Variants in USP53 observed in about 807,000 individuals in gnomAD.
USP53 encodes the protein ubiquitin carboxyl-terminal hydrolase 53.
Under a neutral mutation model 94.9 loss-of-function variants are expected in USP53, and 71 were observed. The ratio of observed to expected loss-of-function variants is 0.75; its 90% CI spans 0.62 to 0.91. The LOEUF (loss-of-function observed/expected upper bound fraction) is 0.91. Ranked by LOEUF, USP53 falls within the 40% of genes least tolerant of loss-of-function variation. The pLI, the probability that USP53 is intolerant of heterozygous loss-of-function variation, is 0.00. For synonymous variants in USP53, 375 were observed against 422.7 expected (o/e 0.89, Z 1.39); for missense variants, 1,173 against 1,281.0 (o/e 0.92, Z 1.29).
Position 119,279,402 on chromosome 4 carries a change from T to A in USP53, c.2251+5694T>A, listed in dbSNP as rs568537548. Among the ~76,000 whole-genome samples, 25 of 145,882 alleles carry A rather than the reference T, an allele frequency of 1.7e-4. No individual in the cohort carries two copies. The East Asian group carries it at 4.8e-3, about 28-fold the overall frequency. ...GCCCCTGCTGGGGGGTGCCTCCCAG[T>A]TAGGCTGCTCGGGGGTCAGGGGTCA... On this transcript the variant is annotated intron_variant, in intron 17 of 18. Coordinates refer to ENST00000692078, the MANE Select transcript of USP53 (RefSeq NM_001371395.1).
At chr4:119,286,024 T>G (rs986541813) in intron 17 of USP53, among the ~76,000 whole-genome samples, 1 of 151,868 alleles carries the variant, frequency 6.6e-6, no homozygotes, top group African/African-American at 2.4e-5. Flanking sequence ...ATCCCCAAAT[T>G]TAGGTTTCAG....
Position 119,292,865 on chromosome 4 carries a change from C to G in USP53, c.2876C>G (p.Pro959Arg). The part of the protein sequence containing the change: ...TEVFKATSHL[P>R]KHSLSTASEP... ...GTGTTTAAAGCTACCTCTCATCTTC[C>G]GAAGCACAGTTTAAGTACAGCTTCA... The change falls in exon 19 of 19, where the codon CCG (proline) becomes CGG (arginine). Residue 959 changes from proline to arginine, a missense_variant. Transcript: ENST00000692078. 1 of 1,614,018 alleles carries G rather than the reference C, an allele frequency of 6.2e-7. No individual in the cohort carries two copies. The highest frequency in any genetic ancestry group is 8.5e-7 in the Non-Finnish European group (1 of 1,179,974).
chr4:119,248,974 G>T, intron 7 of USP53, 92 bp downstream of exon 7: 2 of 1,506,324 alleles, frequency 1.3e-6, no homozygotes, highest in Non-Finnish European at 1.8e-6. Context: ...CAAAAATTTA[G>T]AACAATAGAA....
chr4:119,264,180 C>A (rs946990158), intron 12 of USP53, among the ~76,000 whole-genome samples: 4 of 152,064 alleles, frequency 2.6e-5, no homozygotes, highest in Non-Finnish European at 2.9e-5. Context: ...ATTCAATATG[C>A]CACTTCAAAA....
intron 3 of USP53, among the ~76,000 whole-genome samples, chr4:119,224,875 T>G (rs1745032421): frequency 6.6e-6 from 1 of 152,002 alleles, no homozygotes; most frequent in Admixed American, 6.6e-5. Context: ...AGAAGAAAGC[T>G]CTAAGCTTTT....
chr4:119,258,902 A>C (rs1307427311), intron 9 of USP53, among the ~76,000 whole-genome samples: 1 of 152,174 alleles, frequency 6.6e-6, no homozygotes, highest in Non-Finnish European at 1.5e-5. Context: ...TGATACATAA[A>C]AATATGTCTT....
chr4:119,283,219 G>A (rs1183147332), intron 17 of USP53, among the ~76,000 whole-genome samples: 3 of 151,848 alleles, frequency 2.0e-5, no homozygotes, highest in South Asian at 2.1e-4. Context: ...GATTTCACAC[G>A]CCTTAAATTA....
Position 119,292,421 on chromosome 4 carries a change from T to G in USP53, c.2432T>G (p.Ile811Ser). 4 of 1,613,990 alleles carry G rather than the reference T, an allele frequency of 2.5e-6. No individual in the cohort carries two copies. Among genetic ancestry groups the G allele is most frequent in the Non-Finnish European group, 3.4e-6 (4 of 1,179,912 alleles). Reference sequence around the variant, plus strand: ...AAGGACCATAATGCAAGAGAACATATCCACCAGTCAGATGAACAGAAACTT... The same window carrying G: ...AAGGACCATAATGCAAGAGAACATAGCCACCAGTCAGATGAACAGAAACTT... ...IPKDHNAREH[I>S]HQSDEQKLEK... Residue 811 changes from isoleucine (I) to serine (S), a missense_variant, in exon 19 of 19, where the codon ATC becomes AGC. Ile to Ser is a moderately radical substitution (Grantham distance 142, BLOSUM62 -2). Coordinates refer to ENST00000692078, the MANE Select transcript of USP53 (RefSeq NM_001371395.1).
chr4:119,261,442 G>A (rs1001898482), intron 11 of USP53, among the ~76,000 whole-genome samples: 3 of 152,212 alleles, frequency 2.0e-5, no homozygotes, highest in Non-Finnish European at 4.4e-5. Flanking sequence ...TATGAAAAGT[G>A]TCAGTCATGT....
At position 119,275,723 on chromosome 4, in the gene USP53, C is replaced by A. The variant is rs556131364; in HGVS notation, c.2251+2015C>A. Among the ~76,000 whole-genome samples, 5 of 152,220 alleles carry A rather than the reference C, an allele frequency of 3.3e-5. No individual in the cohort carries two copies. The East Asian group carries it at 9.7e-4, about 29-fold the overall frequency. ...ATTTTCACGATATTGATTCTTCCTA[C>A]CCATGAGCATGGAATGTTCTTTCAT... On this transcript the variant is annotated intron_variant, in intron 17 of 18. Coordinates refer to ENST00000692078, the MANE Select transcript of USP53 (RefSeq NM_001371395.1).
chr4:119,275,662 G>A (rs1225525512), intron 17 of USP53, among the ~76,000 whole-genome samples: 3 of 151,984 alleles, frequency 2.0e-5, no homozygotes, highest in Non-Finnish European at 2.9e-5. Context: ...GATGGGGATA[G>A]CATTGAATCT....
At chr4:119,248,693 C>T in intron 6 of USP53, 55 bp from the exon 7 acceptor site, 1 of 1,572,558 alleles carries the variant, frequency 6.4e-7, no homozygotes, top group Non-Finnish European at 8.6e-7. Flanking sequence ...AATGAAATTA[C>T]TGAAATGTCG....
intron 5 of USP53, among the ~76,000 whole-genome samples, chr4:119,245,024 G>T (rs909950355): frequency 7.2e-5 from 11 of 152,150 alleles, no homozygotes; most frequent in African/African-American, 2.7e-4. Flanking sequence ...TCTCTATTTA[G>T]TATTCCTTGT....
In USP53 at chr4:119,240,605, A is replaced by G. The variant is rs577754764; in HGVS notation, c.144+702A>G. The stretch of plus-strand genomic sequence containing the variant: ...ACTTTTTCTATTGACCTTAGAATAT[A>G]CCTTAAAAGAATTCATATATAATGA... On this transcript the variant is annotated intron_variant, in intron 5 of 18. Transcript: ENST00000692078. Among the ~76,000 whole-genome samples, 8 of 152,294 alleles carry G rather than the reference A, an allele frequency of 5.3e-5. No individual in the cohort carries two copies. The South Asian group carries it at 8.3e-4, about 16-fold the overall frequency.
intron 17 of USP53, among the ~76,000 whole-genome samples, chr4:119,290,063 T>C (rs1754568573): frequency 6.6e-6 from 1 of 152,188 alleles, no homozygotes; most frequent in South Asian, 2.1e-4. Context: ...GTAGATAATG[T>C]TTTACTCTGA....
chr4:119,254,925 T>C (rs1193351688), intron 7 of USP53, among the ~76,000 whole-genome samples: 1 of 152,218 alleles, frequency 6.6e-6, no homozygotes, highest in African/African-American at 2.4e-5. Context: ...GTCCTTTTTG[T>C]TGATGTTGAT....
chr4:119,245,333 T>A lies in USP53; in HGVS notation c.145-4T>A. 1 of 1,613,180 alleles carries A rather than the reference T, an allele frequency of 6.2e-7. No homozygotes were observed. The highest frequency in any genetic ancestry group is 8.5e-7 in the Non-Finnish European group (1 of 1,179,636). Reference sequence around the variant, plus strand: ...TTTTTCCTTAACATCTCCCTGTTTTTTAGGTTTTATGGCAATTGGATATAT... The same window carrying A: ...TTTTTCCTTAACATCTCCCTGTTTTATAGGTTTTATGGCAATTGGATATAT... On this transcript the variant is annotated splice_polypyrimidine_tract_variant and splice_region_variant and intron_variant, in intron 5 of 18. Transcript: ENST00000692078.
intron 7 of USP53, among the ~76,000 whole-genome samples, chr4:119,251,418 C>T (rs1748986142): frequency 6.6e-6 from 1 of 151,958 alleles, no homozygotes; most frequent in Admixed American, 6.5e-5. Flanking sequence ...GGGTATATAC[C>T]CAGTAATGGG....
At chr4:119,222,268 G>A (rs1412835777) in intron 3 of USP53, among the ~76,000 whole-genome samples, 1 of 152,044 alleles carries the variant, frequency 6.6e-6, no homozygotes, top group Non-Finnish European at 1.5e-5. Context: ...AGGGTTGTTG[G>A]GATGTCCATC....
Sources: allele counts gnomAD v4.1 joint callset (sites outside exome capture counted in the v4.1 genomes callset), GRCh38; gene constraint gnomAD v4.1.1; transcripts MANE v1.5; gene names NCBI Gene and HGNC (gene_info 2026-07-23, HGNC 2026-07-21).